Variants in MAPKAP1 observed in about 807,000 individuals in gnomAD.
MAPKAP1 encodes MAPK associated protein 1, also known as target of rapamycin complex 2 subunit MAPKAP1.
Under a neutral mutation model 65.7 loss-of-function variants are expected in MAPKAP1, and 20 were observed. That is an observed-to-expected ratio of 0.30 (90% CI 0.21 to 0.44). The LOEUF (loss-of-function observed/expected upper bound fraction) is 0.44. MAPKAP1 is among the 20% of genes least tolerant of loss of function. The pLI is 1.00. For synonymous variants in MAPKAP1, 222 were observed against 244.3 expected (o/e 0.91, Z 0.85); for missense variants, 423 against 648.0 (o/e 0.65, Z 3.77).
intron 7 of MAPKAP1, among the ~76,000 whole-genome samples, chr9:125,539,854 A>G (rs2079587818): frequency 6.6e-6 from 1 of 151,012 alleles, no homozygotes; most frequent in Admixed American, 6.6e-5. Context: ...GTAGGTCAGT[A>G]AAAAAAAATG....
chr9:125,680,135 C>A (rs1834778428), intron 1 of MAPKAP1, among the ~76,000 whole-genome samples: 1 of 150,654 alleles, frequency 6.6e-6, no homozygotes, highest in African/African-American at 2.4e-5. Context: ...CGACTTCACA[C>A]TATTAGCATC....
intron 8 of MAPKAP1, among the ~76,000 whole-genome samples, chr9:125,495,947 G>C (rs936784842): frequency 6.6e-6 from 1 of 152,234 alleles, no homozygotes; most frequent in African/African-American, 2.4e-5. Flanking sequence ...GTTGGCCTCT[G>C]AGTCTCAGGC....
At chr9:125,625,270 A>AC (rs1225367114) in intron 4 of MAPKAP1, among the ~76,000 whole-genome samples, 9 of 136,028 alleles carry the variant, frequency 6.6e-5, no homozygotes, top group East Asian at 6.2e-4. Context: ...AAAAAAAAAA[A>AC]AAAAAAAAAA....
At chr9:125,682,957 T>C (rs1033381640) in intron 1 of MAPKAP1, among the ~76,000 whole-genome samples, 1 of 129,360 alleles carries the variant, frequency 7.7e-6, no homozygotes, top group Non-Finnish European at 1.6e-5. Context: ...GAATTTTAAA[T>C]TCTTTTTTTT....
chr9:125,480,975 GAAA>G (rs536367888), intron 9 of MAPKAP1, among the ~76,000 whole-genome samples: 1 of 108,684 alleles, frequency 9.2e-6, no homozygotes, highest in Non-Finnish European at 1.8e-5. Flanking sequence ...CCGTTTCGGG[GAAA>G]AAAAAAAAAA....
At chr9:125,671,661 T>C (rs752604577) in intron 2 of MAPKAP1, among the ~76,000 whole-genome samples, 2 of 151,974 alleles carry the variant, frequency 1.3e-5, no homozygotes, top group Non-Finnish European at 2.9e-5. Flanking sequence ...AGTGGGAAAA[T>C]GGGCAATAAG....
At chr9:125,488,391 G>GT (rs1164593764) in intron 8 of MAPKAP1, among the ~76,000 whole-genome samples, 5 of 152,164 alleles carry the variant, frequency 3.3e-5, no homozygotes, top group African/African-American at 9.7e-5. Flanking sequence ...TTGAGACAGA[G>GT]TTTTGCTCTT....
intron 7 of MAPKAP1, among the ~76,000 whole-genome samples, chr9:125,536,219 G>A (rs975649928): frequency 2.6e-5 from 4 of 152,030 alleles, no homozygotes; most frequent in East Asian, 1.9e-4. Context: ...TATCTTCAAC[G>A]TGCTGTACTC....
intron 4 of MAPKAP1, among the ~76,000 whole-genome samples, chr9:125,626,997 G>A (rs750493758): frequency 6.6e-6 from 1 of 152,126 alleles, no homozygotes; most frequent in Non-Finnish European, 1.5e-5. Context: ...AGAGAAAAGT[G>A]ATTTTCTTAT....
At chr9:125,617,275 C>T (rs1355855218) in intron 4 of MAPKAP1, among the ~76,000 whole-genome samples, 2 of 152,254 alleles carry the variant, frequency 1.3e-5, no homozygotes, top group South Asian at 4.1e-4. Context: ...GCGGAGGCAA[C>T]AAAAGGAGAT....
chr9:125,622,840 T>C (rs1415609265), intron 4 of MAPKAP1, among the ~76,000 whole-genome samples: 1 of 151,486 alleles, frequency 6.6e-6, no homozygotes, highest in African/African-American at 2.4e-5. Flanking sequence ...GTCTCCCCAG[T>C]CTCCCTCTCA....
At chr9:125,502,470 T>C (rs1275723702) in intron 8 of MAPKAP1, among the ~76,000 whole-genome samples, 1 of 152,232 alleles carries the variant, frequency 6.6e-6, no homozygotes, top group Non-Finnish European at 1.5e-5. Flanking sequence ...ATTTTAGTTA[T>C]ATCCTCAAAT....
At chr9:125,497,884 A>G (rs1828855619) in intron 8 of MAPKAP1, among the ~76,000 whole-genome samples, 1 of 152,222 alleles carries the variant, frequency 6.6e-6, no homozygotes, top group Non-Finnish European at 1.5e-5. Context: ...TTCAAGCGGC[A>G]CCTTTCTTCT....
chr9:125,627,087 G>A (rs1297891157), intron 4 of MAPKAP1, among the ~76,000 whole-genome samples: 2 of 152,148 alleles, frequency 1.3e-5, no homozygotes, highest in Non-Finnish European at 2.9e-5. Context: ...CAACAAAACT[G>A]TAGGTGCAAT....
At chr9:125,522,598 T>C (rs1193202326) in intron 7 of MAPKAP1, among the ~76,000 whole-genome samples, 1 of 152,208 alleles carries the variant, frequency 6.6e-6, no homozygotes, top group Non-Finnish European at 1.5e-5. Context: ...CTTGCATTCC[T>C]TCTCACTCAG....
chr9:125,584,063 C>CA lies in MAPKAP1; in HGVS notation c.671+1491dup, dbSNP rs768787779. Among the ~76,000 whole-genome samples the CA allele has an allele frequency of 2.5e-3, 321 of 128,026 alleles. 1 individual carries two copies. Among genetic ancestry groups the CA allele is most frequent in the East Asian group, 7.8e-3 (35 of 4,514 alleles). 84.0% of individuals were successfully genotyped at this position (128,026 alleles called of 152,430 possible). ...GGGCGACAGAGCAAGACTCCGTCTC[C>CA]AAAAAAAAAAAAAAGAATTACTTCA... is the stretch of plus-strand genomic sequence containing the variant. On this transcript the variant is annotated intron_variant, in intron 5 of 11. Coordinates refer to ENST00000265960, the MANE Select transcript of MAPKAP1 (RefSeq NM_001006617.3).
chr9:125,444,314 G>A (rs1852613841), intron 11 of MAPKAP1, among the ~76,000 whole-genome samples, 187 bp downstream of exon 11: 1 of 152,232 alleles, frequency 6.6e-6, no homozygotes, highest in Non-Finnish European at 1.5e-5. Context: ...AGCGGGGGCT[G>A]GTGTGGCCCT....
intron 7 of MAPKAP1, among the ~76,000 whole-genome samples, chr9:125,522,575 T>C (rs775143882): frequency 6.6e-6 from 1 of 152,192 alleles, no homozygotes; most frequent in Non-Finnish European, 1.5e-5. Context: ...CTCTACCCAC[T>C]TAATACATCT....
At chr9:125,479,064 A>C (rs2133020560) in intron 9 of MAPKAP1, among the ~76,000 whole-genome samples, 1 of 152,308 alleles carries the variant, frequency 6.6e-6, no homozygotes. Context: ...CCTACACCCC[A>C]GTTTCATCAT....
Sources: gnomAD v4.1 joint callset for allele counts (sites outside exome capture counted in the v4.1 genomes callset) on GRCh38, gnomAD v4.1.1 for gene constraint, MANE v1.5 for transcripts, NCBI Gene and HGNC (gene_info 2026-07-23, HGNC 2026-07-21) for gene names.